The following ANO2 variants were observed in gnomAD, a reference collection of about 807,000 sequenced individuals.
The protein encoded by ANO2 is anoctamin-2.
In ANO2, 101 loss-of-function variants were observed where a neutral mutation model predicts 124.2. That is an observed-to-expected ratio of 0.81 (90% confidence interval 0.69 to 0.96). The LOEUF is 0.96. Ranked by LOEUF, ANO2 falls within the 40% of genes least tolerant of loss-of-function variation. The pLI is 0.00. For missense variants in ANO2, 1,293 were observed against 1,274.5 expected (o/e 1.01, Z -0.22); for synonymous variants, 486 against 482.5 (o/e 1.01, Z -0.09).
rs1942484001 is a variant in ANO2 at position 5,577,561 on chromosome 12, T to C, written c.2439+394A>G. The stretch of plus-strand genomic sequence containing the variant: ...TTGCACTGACAACCTGGAGGAACGG[T>C]AATTAGGGATTGTAGCCTGGGCAAT... On this transcript the variant is annotated intron_variant, in intron 22 of 24. Transcript: ENST00000682330. 2.0e-5 allele frequency among the ~76,000 whole-genome samples: 3 copies of C among 152,290 alleles called. 1 individual carries two copies. In the South Asian group the frequency reaches 6.2e-4, roughly 32 times the overall value.
chr12:5,765,641 G>A (rs1291868982), intron 10 of ANO2, among the ~76,000 whole-genome samples: 5 of 152,150 alleles, frequency 3.3e-5, no homozygotes, highest in African/African-American at 1.2e-4. Context: ...CCACGTTAAT[G>A]TGAAAATTGA....
intron 3 of ANO2, among the ~76,000 whole-genome samples, chr12:5,912,003 G>A (rs983267540): frequency 2.0e-5 from 3 of 152,184 alleles, no homozygotes; most frequent in Admixed American, 6.5e-5. Flanking sequence ...CGTGACATTC[G>A]TTGAGCCATA....
chr12:5,720,985 C>T (rs529117326), intron 14 of ANO2, among the ~76,000 whole-genome samples: 39 of 152,310 alleles, frequency 2.6e-4, no homozygotes, highest in Admixed American at 2.5e-3. Flanking sequence ...ACTTGGGATG[C>T]GTAATTCACA....
intron 14 of ANO2, among the ~76,000 whole-genome samples, chr12:5,707,103 A>G (rs1201871308): frequency 6.6e-6 from 1 of 152,176 alleles, no homozygotes; most frequent in Non-Finnish European, 1.5e-5. Context: ...GACCTGGTGG[A>G]AGGTGACTGA....
In ANO2 at chr12:5,563,542, G is replaced by T. The variant is rs185209166; in HGVS notation, c.2754C>A (p.Leu918=). The change falls in exon 25 of 25, where the codon CTC becomes CTA. Residue 918 remains leucine, a synonymous_variant. Transcript: ENST00000682330. ...FQNLVMFLSV[L]VDWMIPDIPT... ...GGATGTCTGGAATCATCCAGTCCAC[G>T]AGGACGCTCAGGAACATCACGAGGT... 7 of 1,613,850 alleles carry T rather than the reference G, an allele frequency of 4.3e-6. No homozygotes were observed. The South Asian group carries it at 7.7e-5, about 18-fold the overall frequency.
At chr12:5,621,004 C>T (rs151013943) in intron 16 of ANO2, among the ~76,000 whole-genome samples, 53 of 152,220 alleles carry the variant, frequency 3.5e-4, no homozygotes, top group Admixed American at 1.4e-3. Flanking sequence ...TGCCACATCC[C>T]CATCTTTGGC....
At chr12:5,609,347 C>A (rs370660609) in intron 19 of ANO2, among the ~76,000 whole-genome samples, 16 of 152,046 alleles carry the variant, frequency 1.1e-4, no homozygotes, top group African/African-American at 3.6e-4. Context: ...TCCCGCCAAT[C>A]CTCCCCAAAG....
chr12:5,938,350 T>C (rs555607526), intron 1 of ANO2, among the ~76,000 whole-genome samples: 10 of 152,368 alleles, frequency 6.6e-5, no homozygotes, highest in African/African-American at 2.4e-4. Flanking sequence ...ATTGTACTTC[T>C]ATGCTGGTGC....
At position 5,774,018 on chromosome 12, in the gene ANO2, C is replaced by G. The variant is rs550304475; in HGVS notation, c.1056-23048G>C. ...TTCCAAGATGAATTACTGTGGCCTT[C>G]TTGCTCCACATCCTTCCAAACTGAA... On this transcript the variant is annotated intron_variant, in intron 10 of 24. Transcript: ENST00000682330. 6.6e-5 allele frequency among the ~76,000 whole-genome samples: 10 copies of G among 152,352 alleles called. No individual in the cohort carries two copies. In the South Asian group the frequency reaches 2.1e-3, roughly 32 times the overall value.
At chr12:5,705,359 A>C (rs1335907218) in intron 14 of ANO2, among the ~76,000 whole-genome samples, 13 of 152,212 alleles carry the variant, frequency 8.5e-5, no homozygotes, top group Non-Finnish European at 1.6e-4. Context: ...CATGAATGCT[A>C]TCCACTTTAA....
chr12:5,898,886 T>C (rs1212849655), intron 3 of ANO2, among the ~76,000 whole-genome samples: 1 of 152,236 alleles, frequency 6.6e-6, no homozygotes, highest in African/African-American at 2.4e-5. Context: ...TTCTGATATA[T>C]GCTATACTTC....
At chr12:5,733,457 A>C (rs1233358934) in intron 13 of ANO2, among the ~76,000 whole-genome samples, 1 of 152,194 alleles carries the variant, frequency 6.6e-6, no homozygotes, top group African/African-American at 2.4e-5. Context: ...CCAGCTCAAG[A>C]ACAAACATCT....
intron 1 of ANO2, among the ~76,000 whole-genome samples, chr12:5,938,714 A>T (rs1942761582): frequency 1.3e-5 from 2 of 152,106 alleles, no homozygotes; most frequent in African/African-American, 4.8e-5. Flanking sequence ...AATCCCAGCT[A>T]CTCAGGAGGC....
intron 14 of ANO2, among the ~76,000 whole-genome samples, chr12:5,728,390 C>G (rs925551067): frequency 8.6e-5 from 13 of 151,842 alleles, no homozygotes; most frequent in African/African-American, 3.1e-4. Context: ...ATCAAGAAAA[C>G]TATATTTTCA....
intron 10 of ANO2, among the ~76,000 whole-genome samples, chr12:5,775,164 G>A (rs894414627): frequency 6.6e-6 from 1 of 152,106 alleles, no homozygotes; most frequent in Non-Finnish European, 1.5e-5. Flanking sequence ...CTATTCCATT[G>A]CCCTACTTTT....
chr12:5,812,569 G>GAA (rs994240088), intron 7 of ANO2, among the ~76,000 whole-genome samples: 1 of 20,702 alleles, frequency 4.8e-5, no homozygotes, highest in South Asian at 2.7e-3. Flanking sequence ...GAAAGAAAAA[G>GAA]AAAAAAAGAA....
chr12:5,701,994 C>T (rs910631728), intron 14 of ANO2, among the ~76,000 whole-genome samples: 6 of 151,296 alleles, frequency 4.0e-5, no homozygotes, highest in African/African-American at 1.2e-4. Flanking sequence ...AATTTCCAAC[C>T]GAATTAAAAT....
At chr12:5,695,601 G>A (rs963010196) in intron 14 of ANO2, among the ~76,000 whole-genome samples, 3 of 152,216 alleles carry the variant, frequency 2.0e-5, no homozygotes, top group Non-Finnish European at 2.9e-5. Context: ...AGCACTTTGG[G>A]AGGCTGAGGC....
intron 20 of ANO2, among the ~76,000 whole-genome samples, chr12:5,598,707 C>G (rs1943784823): frequency 2.0e-5 from 3 of 152,180 alleles, no homozygotes; most frequent in Non-Finnish European, 4.4e-5. Flanking sequence ...TCATTAGCCC[C>G]AAGTCTTGGA....
Sources: allele counts gnomAD v4.1 joint callset (sites outside exome capture counted in the v4.1 genomes callset), GRCh38; gene constraint gnomAD v4.1.1; transcripts MANE v1.5; gene names NCBI Gene and HGNC (gene_info 2026-07-23, HGNC 2026-07-21).